Variants in PLCB1 observed in about 807,000 individuals in gnomAD.
PLCB1 encodes the protein phospholipase C beta 1.
In PLCB1, 46 loss-of-function variants were observed where a neutral mutation model predicts 161.8. That is an observed-to-expected ratio of 0.28 (90% CI 0.22 to 0.36). The LOEUF (loss-of-function observed/expected upper bound fraction) is 0.36. Ranked by LOEUF, PLCB1 falls within the 10% of genes least tolerant of loss-of-function variation. The probability of loss-of-function intolerance (pLI) is 1.00; values close to 1 mark genes in which losing one functional copy is unlikely to be tolerated. For synonymous variants in PLCB1, 517 were observed against 503.7 expected (o/e 1.03, Z -0.35); for missense variants, 1,016 against 1,472.5 (o/e 0.69, Z 5.07).
chr20:8,366,271 T>C (rs895482237), intron 2 of PLCB1, among the ~76,000 whole-genome samples: 1 of 152,170 alleles, frequency 6.6e-6, no homozygotes, highest in Non-Finnish European at 1.5e-5. Context: ...TCACAGGGTA[T>C]ATATGTGGAA....
At position 8,651,561 on chromosome 20, in the gene PLCB1, T is replaced by C. The variant is rs547150145; in HGVS notation, c.594+2112T>C. 1.5e-5 allele frequency: 11 copies of C among 713,446 alleles called. No individual in the cohort carries two copies. In the African/African-American group the frequency reaches 1.7e-4, roughly 11 times the overall value. The allele number at this position is 713,446 out of a possible 1,614,324, so 44.2% of individuals were successfully genotyped here. On this transcript the variant is annotated intron_variant, in intron 7 of 31. Transcript: ENST00000338037. Reference sequence around the variant, plus strand: ...GTTAGATGCTTTGGAATAGGAAAAATATAACAATTAAGGTCCTGTCCCCGA... The same window carrying C: ...GTTAGATGCTTTGGAATAGGAAAAACATAACAATTAAGGTCCTGTCCCCGA...
chr20:8,668,508 T>G (rs1989870041), intron 9 of PLCB1, among the ~76,000 whole-genome samples: 1 of 152,174 alleles, frequency 6.6e-6, no homozygotes. Flanking sequence ...TATATGTCTT[T>G]GTTGAGGGTT....
chr20:8,353,797 G>T (rs1402448005), intron 2 of PLCB1, among the ~76,000 whole-genome samples: 7 of 152,062 alleles, frequency 4.6e-5, no homozygotes. Context: ...TCGTGAATGG[G>T]CTCTTGGCAC....
intron 19 of PLCB1, among the ~76,000 whole-genome samples, chr20:8,734,133 C>T (rs1244403651): frequency 5.8e-4 from 2 of 3,422 alleles, no homozygotes; most frequent in African/African-American, 1.3e-3. Flanking sequence ...GAGACTCTGT[C>T]TCAAAAAAAA....
At chr20:8,463,225 T>G (rs1218382974) in intron 3 of PLCB1, among the ~76,000 whole-genome samples, 4 of 151,374 alleles carry the variant, frequency 2.6e-5, no homozygotes, top group Non-Finnish European at 5.9e-5. Flanking sequence ...AATTATATAT[T>G]GAAGATATGC....
At chr20:8,552,288 G>T (rs200378210) in intron 3 of PLCB1, among the ~76,000 whole-genome samples, 1 of 152,188 alleles carries the variant, frequency 6.6e-6, no homozygotes, top group African/African-American at 2.4e-5. Context: ...CAGATGTAAC[G>T]TACAGCTTTT....
chr20:8,614,349 C>T (rs192078726), intron 3 of PLCB1, among the ~76,000 whole-genome samples: 1 of 149,532 alleles, frequency 6.7e-6, no homozygotes, highest in East Asian at 1.9e-4. Context: ...TATATACACA[C>T]ACATATACAC....
chr20:8,784,132 C>T (rs6086595), intron 27 of PLCB1, among the ~76,000 whole-genome samples: 48,488 of 151,956 alleles, frequency 0.32, 7,792 homozygotes, highest in Middle Eastern at 0.48. Context: ...GTGAGTTGGG[C>T]GGTAGTGGCA....
chr20:8,567,009 G>A (rs916246742), intron 3 of PLCB1, among the ~76,000 whole-genome samples: 1 of 152,120 alleles, frequency 6.6e-6, no homozygotes, highest in Non-Finnish European at 1.5e-5. Flanking sequence ...AACAGAACTC[G>A]TAATTCTGAT....
intron 2 of PLCB1, among the ~76,000 whole-genome samples, chr20:8,171,925 T>A (rs1277667582): frequency 6.6e-6 from 1 of 152,122 alleles, no homozygotes; most frequent in African/African-American, 2.4e-5. Flanking sequence ...TTGGTGGGAG[T>A]AAACTGCCTC....
At position 8,396,035 on chromosome 20, in the gene PLCB1, A is replaced by C. The variant is rs538483788; in HGVS notation, c.246+24585A>C. 4.6e-5 allele frequency among the ~76,000 whole-genome samples: 7 copies of C among 152,210 alleles called. No individual in the cohort carries two copies. In the South Asian group the frequency reaches 1.4e-3, roughly 32 times the overall value. The stretch of plus-strand genomic sequence containing the variant: ...AATATTCGGCTTGTAATTTACTAAT[A>C]TTCATGCCCTGTTTAGATTGTAAAC... On this transcript the variant is annotated intron_variant, in intron 3 of 31. Coordinates refer to ENST00000338037, the MANE Select transcript of PLCB1 (RefSeq NM_015192.4).
At chr20:8,823,279 C>T (rs138532571) in intron 31 of PLCB1, among the ~76,000 whole-genome samples, 6 of 152,216 alleles carry the variant, frequency 3.9e-5, no homozygotes, top group Non-Finnish European at 5.9e-5. Flanking sequence ...TGCGCCACTG[C>T]GCCCAGCTAA....
At chr20:8,279,547 G>A (rs574300526) in intron 2 of PLCB1, among the ~76,000 whole-genome samples, 2 of 152,296 alleles carry the variant, frequency 1.3e-5, no homozygotes, top group East Asian at 3.9e-4. Flanking sequence ...ACACAACATT[G>A]TGAGTCTACT....
chr20:8,765,128 A>C lies in PLCB1; in HGVS notation c.2711-11A>C, dbSNP rs1356952853. On this transcript the variant is annotated splice_polypyrimidine_tract_variant and intron_variant, in intron 25 of 31. Coordinates refer to ENST00000338037, the MANE Select transcript of PLCB1 (RefSeq NM_015192.4). ...TCCCATTCCCTTAGCTTTCATATTC[A>C]TTTGTTGCAGAAGTGGAAGCACAGA... is the stretch of plus-strand genomic sequence containing the variant. 6.2e-7 allele frequency: 1 copy of C among 1,606,142 alleles called. No individual in the cohort carries two copies. The highest frequency in any genetic ancestry group is 1.7e-5 in the Admixed American group (1 of 58,968).
chr20:8,659,160 T>C (rs1989554161), intron 9 of PLCB1, among the ~76,000 whole-genome samples: 1 of 152,146 alleles, frequency 6.6e-6, no homozygotes, highest in Admixed American at 6.5e-5. Flanking sequence ...TGATAAATTT[T>C]TCTACTTGGG....
chr20:8,465,593 A>G (rs1342520144), intron 3 of PLCB1, among the ~76,000 whole-genome samples: 1 of 152,184 alleles, frequency 6.6e-6, no homozygotes, highest in African/African-American at 2.4e-5. Context: ...AAGACTCAGC[A>G]GATATCTTCA....
At chr20:8,359,924 A>G (rs1048371166) in intron 2 of PLCB1, among the ~76,000 whole-genome samples, 1 of 152,216 alleles carries the variant, frequency 6.6e-6, no homozygotes, top group African/African-American at 2.4e-5. Context: ...TTCTAAGTTG[A>G]TTATTTGCAA....
chr20:8,692,519 A>G (rs1325931298), intron 10 of PLCB1, among the ~76,000 whole-genome samples: 2 of 152,200 alleles, frequency 1.3e-5, no homozygotes, highest in African/African-American at 4.8e-5. Flanking sequence ...TAAAATGTAG[A>G]TAAATTAAAA....
intron 2 of PLCB1, among the ~76,000 whole-genome samples, chr20:8,151,996 A>G (rs1324506918): frequency 6.6e-6 from 1 of 152,132 alleles, no homozygotes; most frequent in African/African-American, 2.4e-5. Context: ...ATTTTGACCC[A>G]TGCTTATTTT....
Sources: allele counts gnomAD v4.1 joint callset (sites outside exome capture counted in the v4.1 genomes callset), GRCh38; gene constraint gnomAD v4.1.1; transcripts MANE v1.5; gene names NCBI Gene and HGNC (gene_info 2026-07-23, HGNC 2026-07-21).